The following SLC25A48 variants were observed in gnomAD, a reference collection of about 807,000 sequenced individuals.
SLC25A48 encodes CTC-321K16.1.
In SLC25A48, 29 loss-of-function variants were observed where a neutral mutation model predicts 32.2. That is an observed-to-expected ratio of 0.90 (90% confidence interval 0.67 to 1.23). The LOEUF (loss-of-function observed/expected upper bound fraction) is 1.23, where lower values mean the gene tolerates loss of function less well. Ranked by LOEUF, SLC25A48 falls within the 50% of genes most tolerant of loss-of-function variation. The pLI is 0.00. For synonymous variants in SLC25A48, 164 were observed against 172.3 expected (o/e 0.95, Z 0.38); for missense variants, 399 against 422.7 (o/e 0.94, Z 0.49).
Position 135,835,833 on chromosome 5 carries a change from C to G in SLC25A48, c.46+940C>G, listed in dbSNP as rs181960406. Among the ~76,000 whole-genome samples, 5 of 152,296 alleles carry G rather than the reference C, an allele frequency of 3.3e-5. No homozygotes were observed. The East Asian group carries it at 7.7e-4, about 24-fold the overall frequency. ...CAGATTGGATCCCAACTCCTCCCCT[C>G]CTACCTAGCAGGAGACCACCTCTCT... On this transcript the variant is annotated intron_variant, in intron 1 of 7. Coordinates refer to ENST00000681962, the MANE Select transcript of SLC25A48 (RefSeq NM_001349336.2).
Position 135,648,352 on chromosome 5 carries a change from G to A in SLC25A48, c.-521+13396G>A, listed in dbSNP as rs370743533. Among the ~76,000 whole-genome samples, 21 of 152,320 alleles carry A rather than the reference G, an allele frequency of 1.4e-4. No individual in the cohort carries two copies. The East Asian group carries it at 3.9e-3, about 28-fold the overall frequency. ...GGCAGCCAGCCTGCCTGACGATGGA[G>A]CCTGGCTGACTACCAAGAAAGTGCA... On this transcript the variant is annotated intron_variant, in intron 3 of 10. Coordinates refer to the SLC25A48 transcript ENST00000646290.
At chr5:135,837,616 AGGCTTTC>A (rs1189667805) in intron 1 of SLC25A48, among the ~76,000 whole-genome samples, 6 of 152,184 alleles carry the variant, frequency 3.9e-5, no homozygotes, top group Non-Finnish European at 5.9e-5. Flanking sequence ...TCATGGGTAC[AGGCTTTC>A]CCATGCTGTT....
At chr5:135,592,898 G>C (rs566048511) in intron 1 of SLC25A48, among the ~76,000 whole-genome samples, 9 of 152,314 alleles carry the variant, frequency 5.9e-5, no homozygotes, top group Admixed American at 1.3e-4. Context: ...GAGAGAAAGA[G>C]AGAGTGCAGT....
In SLC25A48 at chr5:135,782,422, C is replaced by T. The variant is rs1475458378; in HGVS notation, c.-520-30101C>T. Among the ~76,000 whole-genome samples, 3 of 117,328 alleles carry T rather than the reference C, an allele frequency of 2.6e-5. 1 individual carries two copies. In the East Asian group the frequency reaches 6.4e-4, roughly 25 times the overall value. 77.0% of individuals were successfully genotyped at this position (117,328 alleles called of 152,430 possible). ...CCCCAATACCGCAGCAGGTGCACAT[C>T]GCTTCTGTGATATTGTTTCAGATAT... On this transcript the variant is annotated intron_variant, in intron 3 of 10. Coordinates refer to the SLC25A48 transcript ENST00000646290.
chr5:135,848,386 T>C (rs1037870409), intron 2 of SLC25A48, among the ~76,000 whole-genome samples: 17 of 152,192 alleles, frequency 1.1e-4, no homozygotes, highest in Admixed American at 6.5e-5. Flanking sequence ...CTCCACCACC[T>C]GGCCCAAGTC....
chr5:135,729,089 T>C lies in SLC25A48; in HGVS notation c.-520-83434T>C, dbSNP rs1755165933. Among the ~76,000 whole-genome samples, 4 of 152,212 alleles carry C rather than the reference T, an allele frequency of 2.6e-5. No individual in the cohort carries two copies. The South Asian group carries it at 8.3e-4, about 32-fold the overall frequency. ...AGAAGATTTCCCCATACCCCTTCCA[T>C]GTGCCTAGTAATTCTCTGGGGGCCG... On this transcript the variant is annotated intron_variant, in intron 3 of 10. Coordinates refer to the SLC25A48 transcript ENST00000646290.
chr5:135,800,291 G>A (rs1203367417), intron 3 of SLC25A48, among the ~76,000 whole-genome samples: 1 of 151,730 alleles, frequency 6.6e-6, no homozygotes, highest in Non-Finnish European at 1.5e-5. Context: ...ATAGCAAAGG[G>A]TGTACAGCCC....
chr5:135,789,488 A>C (rs1580882009), intron 3 of SLC25A48, among the ~76,000 whole-genome samples: 1 of 150,146 alleles, frequency 6.7e-6, no homozygotes, highest in African/African-American at 2.5e-5. Context: ...CCAGGTGTAC[A>C]ACCGCCTGCG....
At chr5:135,858,476 T>C (rs371676210) in intron 4 of SLC25A48, among the ~76,000 whole-genome samples, 1 of 152,220 alleles carries the variant, frequency 6.6e-6, no homozygotes, top group African/African-American at 2.4e-5. Flanking sequence ...GAGTGGCCAG[T>C]GTTTACTGAA....
At chr5:135,643,664 G>C (rs1473967820) in intron 3 of SLC25A48, among the ~76,000 whole-genome samples, 1 of 152,160 alleles carries the variant, frequency 6.6e-6, no homozygotes. Context: ...TGGGCATCTC[G>C]TCATGCCAGA....
intron 4 of SLC25A48, among the ~76,000 whole-genome samples, chr5:135,817,269 C>T (rs373022936): frequency 4.0e-5 from 6 of 151,868 alleles, no homozygotes; most frequent in East Asian, 3.9e-4. Context: ...GACAATGGCC[C>T]GAAACAAAGA....
At chr5:135,874,991 A>T (rs1581051405) in intron 6 of SLC25A48, 2 of 392,114 alleles carry the variant, frequency 5.1e-6, no homozygotes, top group Non-Finnish European at 9.0e-6. Flanking sequence ...TTCTCCCAGA[A>T]TGATCATCCC....
chr5:135,592,000 T>C (rs750251489), intron 1 of SLC25A48, among the ~76,000 whole-genome samples: 4 of 152,050 alleles, frequency 2.6e-5, no homozygotes, highest in Non-Finnish European at 5.9e-5. Context: ...GACTTTGTAG[T>C]ATGAAAGGCC....
chr5:135,691,035 G>T (rs1754131557), intron 3 of SLC25A48, among the ~76,000 whole-genome samples: 1 of 151,998 alleles, frequency 6.6e-6, no homozygotes. Context: ...TTTAAGAAAA[G>T]ATGCCACGAG....
At chr5:135,868,596 A>G (rs1460028970) in intron 4 of SLC25A48, among the ~76,000 whole-genome samples, 1 of 152,078 alleles carries the variant, frequency 6.6e-6, no homozygotes, top group African/African-American at 2.4e-5. Flanking sequence ...CAAGTATGTA[A>G]CTCACCCAGA....
At chr5:135,733,785 T>A (rs1252714737) in intron 3 of SLC25A48, among the ~76,000 whole-genome samples, 1 of 151,902 alleles carries the variant, frequency 6.6e-6, no homozygotes, top group Non-Finnish European at 1.5e-5. Context: ...GAGCAGCTTT[T>A]AGGGCTGTTT....
chr5:135,598,790 A>T (rs1751719043), intron 1 of SLC25A48, among the ~76,000 whole-genome samples: 1 of 152,144 alleles, frequency 6.6e-6, no homozygotes, highest in Admixed American at 6.5e-5. Flanking sequence ...CATTAAAATT[A>T]GGCTCTGTAC....
At chr5:135,702,466 C>T (rs948178222) in intron 3 of SLC25A48, among the ~76,000 whole-genome samples, 3 of 152,220 alleles carry the variant, frequency 2.0e-5, no homozygotes, top group Non-Finnish European at 4.4e-5. Context: ...GAGGCAAGAG[C>T]GGATTCTTCC....
chr5:135,852,887 T>C, intron 4 of SLC25A48, 66 bp downstream of exon 4: 1 of 1,528,660 alleles, frequency 6.5e-7, no homozygotes, highest in Non-Finnish European at 8.8e-7. Flanking sequence ...TTGTGGGATC[T>C]GGGACATGGT....
Sources: gnomAD v4.1 joint callset for allele counts (sites outside exome capture counted in the v4.1 genomes callset) on GRCh38, gnomAD v4.1.1 for gene constraint, MANE v1.5 for transcripts, NCBI Gene and HGNC (gene_info 2026-07-23, HGNC 2026-07-21) for gene names.